The following SGCD variants were observed in gnomAD, a reference collection of about 807,000 sequenced individuals.
SGCD encodes delta-sarcoglycan.
Under a neutral mutation model 36.6 loss-of-function variants are expected in SGCD, and 18 were observed. The observed-to-expected ratio is 0.49, with a 90% confidence interval of 0.34 to 0.73. SGCD has a LOEUF of 0.73. Ranked by LOEUF, SGCD falls within the 30% of genes least tolerant of loss-of-function variation. The probability of loss-of-function intolerance (pLI) is 0.01; values close to 1 mark genes in which losing one functional copy is unlikely to be tolerated. For missense variants in SGCD, 387 were observed against 346.7 expected (o/e 1.12, Z -0.92); for synonymous variants, 133 against 130.6 (o/e 1.02, Z -0.12).
chr5:156,459,999 G>T (rs1754416519), intron 3 of SGCD, among the ~76,000 whole-genome samples: 1 of 152,126 alleles, frequency 6.6e-6, no homozygotes, highest in Non-Finnish European at 1.5e-5. Context: ...TATAATGAAA[G>T]CAAAGGCATC....
intron 6 of SGCD, among the ~76,000 whole-genome samples, chr5:156,620,142 G>C (rs560508151): frequency 6.6e-6 from 1 of 152,290 alleles, no homozygotes; most frequent in Admixed American, 6.5e-5. Context: ...ACAACACTGG[G>C]TAAGTTTATC....
At chr5:155,862,734 A>G in the SGCD span, among the ~76,000 whole-genome samples, 1 of 152,208 alleles carries the variant, frequency 6.6e-6, no homozygotes, top group East Asian at 1.9e-4. Flanking sequence ...AGAATAAGAC[A>G]TGTGTGATTT....
chr5:156,448,731 CTTTTTTTTTTTT>C (rs1158844774), intron 3 of SGCD, among the ~76,000 whole-genome samples: 4 of 76,016 alleles, frequency 5.3e-5, no homozygotes, highest in Non-Finnish European at 7.1e-5. Flanking sequence ...TTTTCTTTTT[CTTTTTTTTTTTT>C]TTTTTTTTTT....
the SGCD span, among the ~76,000 whole-genome samples, chr5:155,757,280 T>C: frequency 1.3e-5 from 2 of 152,350 alleles, no homozygotes. Flanking sequence ...ATTGAATAAG[T>C]ACTATATGGC....
chr5:156,128,102 A>G (rs563005518), intron 3 of SGCD, among the ~76,000 whole-genome samples: 1 of 152,324 alleles, frequency 6.6e-6, no homozygotes, highest in East Asian at 1.9e-4. Flanking sequence ...TTTAACATAC[A>G]TATGAACATT....
rs536901227 is a variant in SGCD at position 156,723,699 on chromosome 5, G to C, written c.576-33882G>C. ...GAGCAGGAGAAGGACTGGCACGGGA[G>C]TGGCATGTATGAGAGGTGAAAGGAA... On this transcript the variant is annotated intron_variant, in intron 7 of 8. Transcript: ENST00000337851. 4.3e-4 allele frequency among the ~76,000 whole-genome samples: 65 copies of C among 152,220 alleles called. 1 individual carries two copies. The highest frequency in any genetic ancestry group is 8.1e-4 in the Non-Finnish European group (55 of 68,038).
chr5:156,134,921 T>C (rs934783036), intron 3 of SGCD, among the ~76,000 whole-genome samples: 1 of 152,176 alleles, frequency 6.6e-6, no homozygotes, highest in Non-Finnish European at 1.5e-5. Context: ...ACATATTCCC[T>C]TTTGACTCCA....
the SGCD span, among the ~76,000 whole-genome samples, chr5:155,773,119 G>A: frequency 0.072 from 10,975 of 152,070 alleles, 477 homozygotes; most frequent in African/African-American, 0.11. Context: ...AGTAGATAAG[G>A]CACCGGAGCT....
chr5:156,573,615 G>A (rs539137269), intron 4 of SGCD, among the ~76,000 whole-genome samples: 3 of 152,158 alleles, frequency 2.0e-5, no homozygotes, highest in Admixed American at 6.5e-5. Context: ...TTTGGTCAAG[G>A]TGCCTTCTTA....
At chr5:155,961,953 T>C (rs1757799932) in intron 1 of SGCD, among the ~76,000 whole-genome samples, 1 of 152,124 alleles carries the variant, frequency 6.6e-6, no homozygotes, top group Non-Finnish European at 1.5e-5. Context: ...ATAATTACGG[T>C]CTGAAGACTT....
upstream of SGCD, among the ~76,000 whole-genome samples, chr5:155,869,974 G>C (rs998265122): frequency 2.0e-5 from 3 of 151,016 alleles, no homozygotes; most frequent in Admixed American, 1.3e-4. Flanking sequence ...GCACTCCTGG[G>C]CAAGGCAGAG....
At chr5:156,741,605 C>T (rs1008338498) in intron 7 of SGCD, among the ~76,000 whole-genome samples, 6 of 152,110 alleles carry the variant, frequency 3.9e-5, no homozygotes, top group African/African-American at 4.8e-5. Context: ...TTCCCTGGGC[C>T]GAAAACTACA....
At chr5:156,596,153 T>C (rs1035713172) in intron 6 of SGCD, among the ~76,000 whole-genome samples, 1 of 152,198 alleles carries the variant, frequency 6.6e-6, no homozygotes, top group African/African-American at 2.4e-5. Context: ...TAGCACAAAA[T>C]AGTGCTCAGT....
intron 3 of SGCD, among the ~76,000 whole-genome samples, chr5:156,214,049 C>T (rs866809042): frequency 3.9e-5 from 6 of 151,936 alleles, no homozygotes; most frequent in African/African-American, 9.7e-5. Flanking sequence ...AGGAGCAAGA[C>T]AAGGATGCCC....
At chr5:156,400,082 C>G (rs1312241780) in intron 3 of SGCD, among the ~76,000 whole-genome samples, 1 of 152,066 alleles carries the variant, frequency 6.6e-6, no homozygotes, top group African/African-American at 2.4e-5. Flanking sequence ...TTGCTGCAGG[C>G]CTTTCTGAAC....
chr5:156,144,783 G>A lies in SGCD; in HGVS notation c.-44+20764G>A, dbSNP rs114709707. On this transcript the variant is annotated intron_variant, in intron 3 of 9. Transcript: ENST00000517913. Reference sequence around the variant, plus strand: ...AATTTTGCTGTAGCCTCATTCTTTTGGCCAATTTCTTCCTTATGGAATGGG... The same window carrying A: ...AATTTTGCTGTAGCCTCATTCTTTTAGCCAATTTCTTCCTTATGGAATGGG... Among the ~76,000 whole-genome samples the A allele has an allele frequency of 5.0e-3, 764 of 152,120 alleles. 5 individuals carry two copies. Among genetic ancestry groups the A allele is most frequent in the African/African-American group, 0.018 (738 of 41,480 alleles).
intron 3 of SGCD, among the ~76,000 whole-genome samples, chr5:156,313,514 T>C (rs1767443418): frequency 6.6e-6 from 1 of 152,068 alleles, no homozygotes; most frequent in South Asian, 2.1e-4. Flanking sequence ...TATATGTAAA[T>C]ATTATGCTGA....
chr5:156,684,638 C>A (rs575279305), intron 7 of SGCD, among the ~76,000 whole-genome samples: 90 of 152,334 alleles, frequency 5.9e-4, no homozygotes, highest in African/African-American at 2.1e-3. Context: ...AGCAATTATT[C>A]ATCTGTATTG....
chr5:156,716,837 T>C (rs1409710523), intron 7 of SGCD, among the ~76,000 whole-genome samples: 1 of 152,106 alleles, frequency 6.6e-6, no homozygotes, highest in East Asian at 1.9e-4. Flanking sequence ...TCCTCCTCCC[T>C]CGATAGGGGT....
Sources: allele counts gnomAD v4.1 joint callset (sites outside exome capture counted in the v4.1 genomes callset), GRCh38; gene constraint gnomAD v4.1.1; transcripts MANE v1.5; gene names NCBI Gene and HGNC (gene_info 2026-07-23, HGNC 2026-07-21).